FHDC1: variants seen among roughly 807,000 people sequenced by gnomAD.
FHDC1 encodes FH2 domain containing 1.
A neutral mutation model predicts 52.6 loss-of-function variants in FHDC1; 25 were observed. The observed-to-expected ratio is 0.48, with a 90% confidence interval of 0.35 to 0.66. The LOEUF (loss-of-function observed/expected upper bound fraction) is 0.66. Ranked by LOEUF, FHDC1 falls within the 30% of genes least tolerant of loss-of-function variation. FHDC1 has a pLI of 0.01. For synonymous variants in FHDC1, 616 were observed against 581.5 expected, an observed-to-expected ratio of 1.06 and a Z score of -0.85; for missense variants, 1,459 against 1,452.8, an observed-to-expected ratio of 1.00 and a Z score of -0.07.
At chr4:152,934,196 A>T (rs982619065), upstream of FHDC1, among the ~76,000 whole-genome samples, 6 of 152,212 alleles carry the variant, frequency 3.9e-5, no homozygotes, top group African/African-American at 7.2e-5. Context: ...AAAACAGGTT[A>T]CTTGGGAAAG....
rs147950044 is a variant in FHDC1 at position 152,975,399 on chromosome 4, C to T, written c.2108C>T (p.Pro703Leu). Residue 703 changes from proline to leucine, a missense_variant, in exon 12 of 12, where the codon CCG becomes CTG. Physicochemically the swap from Pro to Leu is moderately conservative, Grantham distance 98 (BLOSUM62 -3). This residue lies in a region of FHDC1 where 939 missense variants were observed against 854.5 expected (regional missense o/e 1.10). Transcript: ENST00000511601. Reference sequence around the variant, plus strand: ...CAGCTGACTCTGAGTGACTTCAGCCCGATGGAGCTAGAGTCTGTGGGGCAT... The same window carrying T: ...CAGCTGACTCTGAGTGACTTCAGCCTGATGGAGCTAGAGTCTGTGGGGCAT... The part of the protein sequence containing the change: ...TSQLTLSDFS[P>L]MELESVGHRG... 61 of 1,613,520 alleles carry T rather than the reference C, an allele frequency of 3.8e-5. No individual in the cohort carries two copies. In the Middle Eastern group the frequency reaches 4.9e-4, roughly 13 times the overall value.
chr4:152,951,429 G>A (rs1313668894), intron 2 of FHDC1, among the ~76,000 whole-genome samples: 1 of 151,802 alleles, frequency 6.6e-6, no homozygotes, highest in African/African-American at 2.4e-5. Context: ...TAAGGAGGCC[G>A]CCCTTTCAGC....
At chr4:152,968,902 T>C (rs1198785171) in intron 10 of FHDC1, among the ~76,000 whole-genome samples, 1 of 152,180 alleles carries the variant, frequency 6.6e-6, no homozygotes, top group African/African-American at 2.4e-5. Context: ...GCATGTTTTA[T>C]AATGAGAGCA....
At chr4:152,933,817 C>T (rs77421173), upstream of FHDC1, among the ~76,000 whole-genome samples, 2,391 of 151,600 alleles carry the variant, frequency 0.016, 61 homozygotes, top group African/African-American at 0.055. Context: ...GGGACGCATC[C>T]AATTGTGGGA....
the FHDC1 span, among the ~76,000 whole-genome samples, chr4:152,924,277 C>A: frequency 2.0e-5 from 3 of 152,106 alleles, no homozygotes; most frequent in African/African-American, 7.2e-5. Context: ...CATCACTGGC[C>A]ATCAGAGAAA....
intron 1 of FHDC1, among the ~76,000 whole-genome samples, chr4:152,937,842 G>A (rs539514140): frequency 1.3e-5 from 2 of 152,284 alleles, no homozygotes; most frequent in South Asian, 4.1e-4. Context: ...GGCTCCCCGG[G>A]GATTCGCGGC....
At chr4:152,969,912 G>T (rs191868834) in intron 10 of FHDC1, among the ~76,000 whole-genome samples, 6 of 152,078 alleles carry the variant, frequency 3.9e-5, no homozygotes, top group Non-Finnish European at 7.3e-5. Flanking sequence ...CTCGTGATCC[G>T]CCCACCTCCC....
intron 4 of FHDC1, 85 bp from the exon 5 acceptor site, chr4:152,960,480 G>A (rs934312027): frequency 2.6e-6 from 3 of 1,143,568 alleles, no homozygotes; most frequent in African/African-American, 3.2e-5. Context: ...TATTTTTTTA[G>A]AAGAATTGGA....
the FHDC1 span, among the ~76,000 whole-genome samples, chr4:152,919,003 A>T: frequency 3.3e-5 from 5 of 152,248 alleles, no homozygotes; most frequent in Non-Finnish European, 7.3e-5. Context: ...CTTCTGGCCC[A>T]TAGAAGCCTC....
At chr4:152,944,459 T>C (rs1739668428) in intron 2 of FHDC1, among the ~76,000 whole-genome samples, 1 of 152,054 alleles carries the variant, frequency 6.6e-6, no homozygotes, top group Non-Finnish European at 1.5e-5. Context: ...TAAAAATCTG[T>C]CATAAAGGAG....
rs891975210 is a variant in FHDC1, at chr4:152,978,897, C to T, written c.*2174C>T. 6.6e-6 allele frequency: 1 copy of T among 152,160 alleles called. No individual in the cohort carries two copies. The highest frequency in any genetic ancestry group is 2.1e-4 in the South Asian group (1 of 4,834). 9.4% of individuals were successfully genotyped at this position (152,160 alleles called of 1,614,324 possible). ...AATAGTAAAGCACCTGACCACAAAA[C>T]CTCTTGTAAAAACAGCCCTGAGTAG... is the stretch of plus-strand genomic sequence containing the variant. On this transcript the variant is annotated 3_prime_UTR_variant, in exon 12 of 12. Coordinates refer to ENST00000511601, the MANE Select transcript of FHDC1 (RefSeq NM_001371116.1).
rs1222627055 is a variant in FHDC1, at chr4:152,979,157, C to G, written c.*2434C>G. 1 of 152,196 alleles carries G rather than the reference C, an allele frequency of 6.6e-6. No homozygotes were observed. Among genetic ancestry groups the G allele is most frequent in the Non-Finnish European group, 1.5e-5 (1 of 68,036 alleles). The allele number at this position is 152,196 out of a possible 1,614,324, so 9.4% of individuals were successfully genotyped here. On this transcript the variant is annotated 3_prime_UTR_variant, in exon 12 of 12. Coordinates refer to ENST00000511601, the MANE Select transcript of FHDC1 (RefSeq NM_001371116.1). ...CCAAGCTCCCAGGCCCTTCCTCTAT[C>G]ATGGATGCTGGGTGACTTTGGGAAG...
intron 1 of FHDC1, among the ~76,000 whole-genome samples, chr4:152,941,155 G>A (rs1465443961): frequency 2.6e-5 from 4 of 152,208 alleles, no homozygotes; most frequent in Non-Finnish European, 2.9e-5. Context: ...CCATATAGAG[G>A]CAGTTTTCAG....
At chr4:152,931,829 T>A (rs1739256574), upstream of FHDC1, among the ~76,000 whole-genome samples, 1 of 150,914 alleles carries the variant, frequency 6.6e-6, no homozygotes, top group Non-Finnish European at 1.5e-5. Context: ...CCCACCTACT[T>A]GGGAGGCTGA....
At chr4:152,935,685 C>G (rs1739343481), upstream of FHDC1, among the ~76,000 whole-genome samples, 1 of 152,196 alleles carries the variant, frequency 6.6e-6, no homozygotes, top group South Asian at 2.1e-4. Context: ...CAGGGAGGAG[C>G]TGACCTTTGC....
At chr4:152,939,034 C>CT (rs1185808845) in intron 1 of FHDC1, among the ~76,000 whole-genome samples, 1 of 152,168 alleles carries the variant, frequency 6.6e-6, no homozygotes, top group African/African-American at 2.4e-5. Context: ...CCTATATACT[C>CT]TTTTTTCTTG....
chr4:152,932,539 A>G (rs1739271265), upstream of FHDC1, among the ~76,000 whole-genome samples: 1 of 152,250 alleles, frequency 6.6e-6, no homozygotes, highest in Non-Finnish European at 1.5e-5. Context: ...GAGGATTGGC[A>G]AGCCTTTGCA....
At chr4:152,945,677 G>A (rs879335554) in intron 2 of FHDC1, among the ~76,000 whole-genome samples, 10 of 152,168 alleles carry the variant, frequency 6.6e-5, no homozygotes, top group South Asian at 2.1e-4. Flanking sequence ...GGCTGGTCTC[G>A]AACTCCTGAC....
At chr4:152,960,453 A>G in intron 4 of FHDC1, 112 bp from the exon 5 acceptor site, 2 of 953,162 alleles carry the variant, frequency 2.1e-6, no homozygotes, top group Non-Finnish European at 3.2e-6. Context: ...ATTAATTTGA[A>G]TTTAGCACTA....
Sources: allele counts gnomAD v4.1 joint callset (sites outside exome capture counted in the v4.1 genomes callset), GRCh38; gene constraint gnomAD v4.1.1; regional missense constraint gnomAD v4.1.1; transcripts MANE v1.5; gene names NCBI Gene and HGNC (gene_info 2026-07-23, HGNC 2026-07-21).